Variants in WSCD1 observed in about 807,000 individuals in gnomAD.
The protein encoded by WSCD1 is WSC domain sialate O sulfotransferase 1.
WSCD1 carries 41 observed loss-of-function variants against 60.4 expected under a neutral mutation model. The ratio of observed to expected loss-of-function variants is 0.68; its 90% CI spans 0.53 to 0.88. The LOEUF (loss-of-function observed/expected upper bound fraction) is 0.88, where lower values mean the gene tolerates loss of function less well. Ranked by LOEUF, WSCD1 falls within the 40% of genes least tolerant of loss-of-function variation. The pLI, the probability that WSCD1 is intolerant of heterozygous loss-of-function variation, is 0.00. For missense variants in WSCD1, 784 were observed against 796.2 expected, an observed-to-expected ratio of 0.98 and a Z score of 0.18; for synonymous variants, 361 against 332.5, an observed-to-expected ratio of 1.09 and a Z score of -0.93.
At chr17:6,078,119 C>T (rs1390161191) in intron 1 of WSCD1, 2 of 152,248 alleles carry the variant, frequency 1.3e-5, no homozygotes, top group African/African-American at 4.8e-5. Flanking sequence ...TCCATAGGAG[C>T]AGGTTTCTGA....
intron 5 of WSCD1, among the ~76,000 whole-genome samples, chr17:6,104,319 A>G (rs1393306264): frequency 1.3e-5 from 2 of 152,198 alleles, no homozygotes; most frequent in Non-Finnish European, 2.9e-5. Context: ...ACATTTCAGT[A>G]TGAGATTTGG....
At chr17:6,104,786 G>T (rs1165983314) in intron 5 of WSCD1, among the ~76,000 whole-genome samples, 1 of 152,210 alleles carries the variant, frequency 6.6e-6, no homozygotes, top group Admixed American at 6.5e-5. Context: ...CCTCTTAGGA[G>T]TTGAGCTGTG....
chr17:6,120,232 C>T, intron 8 of WSCD1, 77 bp from the exon 9 acceptor site: 2 of 1,500,452 alleles, frequency 1.3e-6, no homozygotes, highest in Non-Finnish European at 1.8e-6. Context: ...ACTTCCCTCT[C>T]CCGAGCAGCC....
intron 2 of WSCD1, among the ~76,000 whole-genome samples, chr17:6,081,556 C>T (rs1336346506): frequency 6.6e-6 from 1 of 151,886 alleles, no homozygotes; most frequent in Non-Finnish European, 1.5e-5. Context: ...GCTAAAAATA[C>T]AAAAATTAGC....
intron 1 of WSCD1, among the ~76,000 whole-genome samples, chr17:6,079,931 G>T (rs1006888296): frequency 5.9e-5 from 9 of 152,188 alleles, no homozygotes; most frequent in Non-Finnish European, 1.3e-4. Flanking sequence ...GCCTTCTTTT[G>T]CCAGTTTCCT....
chr17:6,117,288 G>A (rs926911105), intron 7 of WSCD1, among the ~76,000 whole-genome samples: 3 of 152,294 alleles, frequency 2.0e-5, no homozygotes, highest in South Asian at 2.1e-4. Context: ...CATAGAAATT[G>A]GGCCCTGGGT....
intron 3 of WSCD1, among the ~76,000 whole-genome samples, chr17:6,088,545 T>A (rs1323088829): frequency 6.6e-6 from 1 of 152,258 alleles, no homozygotes; most frequent in Non-Finnish European, 1.5e-5. Flanking sequence ...CCAGCTCTGG[T>A]AGGAAAAGTA....
chr17:6,112,960 T>C (rs1420948530), intron 7 of WSCD1, among the ~76,000 whole-genome samples: 1 of 152,204 alleles, frequency 6.6e-6, no homozygotes, highest in Non-Finnish European at 1.5e-5. Flanking sequence ...AAAATTTGTA[T>C]GGAACCACAA....
At chr17:6,116,128 A>T (rs1201941512) in intron 7 of WSCD1, among the ~76,000 whole-genome samples, 1 of 152,144 alleles carries the variant, frequency 6.6e-6, no homozygotes, top group East Asian at 1.9e-4. Flanking sequence ...ACATGAGCAC[A>T]TGGCCCTGTC....
intron 8 of WSCD1, among the ~76,000 whole-genome samples, chr17:6,119,443 A>G (rs1469225970): frequency 6.6e-6 from 1 of 152,210 alleles, no homozygotes. Context: ...ATGTGAAATG[A>G]AGTTGGTCAG....
intron 2 of WSCD1, among the ~76,000 whole-genome samples, chr17:6,082,992 A>G (rs1401204908): frequency 1.3e-5 from 2 of 152,154 alleles, no homozygotes; most frequent in Non-Finnish European, 2.9e-5. Flanking sequence ...AGGCCATTGC[A>G]CTTGCTGTAG....
At chr17:6,106,280 T>A (rs1189209300) in intron 5 of WSCD1, among the ~76,000 whole-genome samples, 1 of 152,184 alleles carries the variant, frequency 6.6e-6, no homozygotes, top group Non-Finnish European at 1.5e-5. Flanking sequence ...AAATGCAAAC[T>A]TTTTTGGACC....
rs878932750 is a variant in WSCD1 at position 6,118,285 on chromosome 17, G to A, written c.1375+97G>A. The A allele has an allele frequency of 2.3e-6, 3 of 1,305,232 alleles. No individual in the cohort carries two copies. The highest frequency in any genetic ancestry group is 2.7e-5 in the South Asian group (2 of 74,510). The allele number at this position is 1,305,232 out of a possible 1,614,324, so 80.9% of individuals were successfully genotyped here. On this transcript the variant is annotated intron_variant, in intron 8 of 8. Transcript: ENST00000317744. The surrounding 1 kb of genome is among the most constrained non-coding windows in gnomAD (Gnocchi z 5.8). ...CAATTTACACAGGTAGGCACTGCAG[G>A]ATGCAGGATCAGTATACACAGGTAG... is the stretch of plus-strand genomic sequence containing the variant.
At chr17:6,111,070 G>A in intron 7 of WSCD1, 135 bp downstream of exon 7, 2 of 842,812 alleles carry the variant, frequency 2.4e-6, no homozygotes, top group South Asian at 2.9e-5. Context: ...TGTGGGTGGA[G>A]CCACTGTGTG....
rs964095438 is a variant in WSCD1, at chr17:6,118,527, G to C, written c.1375+339G>C. 7.2e-5 allele frequency among the ~76,000 whole-genome samples: 11 copies of C among 152,184 alleles called. No homozygotes were observed. The highest frequency in any genetic ancestry group is 2.7e-4 in the African/African-American group (11 of 41,442). ...TGCTTCTGCCCAGGAGCTCATGCAG[G>C]GCTGGGAGAAGAGCACATGGGGTGC... On this transcript the variant is annotated intron_variant, in intron 8 of 8. Coordinates refer to ENST00000317744, the MANE Select transcript of WSCD1 (RefSeq NM_015253.2). This position sits in a 1 kb window ranked among gnomAD's most constrained non-coding sequence, Gnocchi z 5.8.
chr17:6,089,726 G>A (rs764004814), intron 3 of WSCD1, among the ~76,000 whole-genome samples: 6 of 152,152 alleles, frequency 3.9e-5, no homozygotes, highest in African/African-American at 1.4e-4. Flanking sequence ...TCTCCCTGTC[G>A]CATACTGAGA....
intron 4 of WSCD1, among the ~76,000 whole-genome samples, chr17:6,093,542 G>A (rs184830438): frequency 3.3e-4 from 50 of 152,232 alleles, no homozygotes; most frequent in Admixed American, 7.2e-4. Context: ...TTCTATCCCC[G>A]TGGAGCTGGT....
At chr17:6,092,517 T>C (rs1910126045) in intron 4 of WSCD1, among the ~76,000 whole-genome samples, 1 of 152,178 alleles carries the variant, frequency 6.6e-6, no homozygotes, top group African/African-American at 2.4e-5. Context: ...CACCGACACC[T>C]ACTCTGCCAG....
At position 6,080,795 on chromosome 17, in the gene WSCD1, C is replaced by G. The variant is rs373916108; in HGVS notation, c.137C>G (p.Pro46Arg). Residue 46 changes from proline to arginine, a missense_variant, in exon 2 of 9, where the codon CCC becomes CGC. By Grantham distance (103) the Pro-to-Arg change is moderately radical. Coordinates refer to ENST00000317744, the MANE Select transcript of WSCD1 (RefSeq NM_015253.2). The surrounding 1 kb of genome is among the most constrained non-coding windows in gnomAD (Gnocchi z 6.6). ...QRVRVALPQG[P>R]RAPGPLQTLP... ...GTCCGCGTGGCTCTCCCACAGGGCC[C>G]CCGGGCACCCGGCCCCCTGCAGACC... The G allele has an allele frequency of 6.2e-7, 1 of 1,609,832 alleles. No homozygotes were observed. Among genetic ancestry groups the G allele is most frequent in the Non-Finnish European group, 8.5e-7 (1 of 1,178,638 alleles).
Sources: allele counts gnomAD v4.1 joint callset (sites outside exome capture counted in the v4.1 genomes callset), GRCh38; gene constraint gnomAD v4.1.1; non-coding constraint Gnocchi (gnomAD v3.1); transcripts MANE v1.5; gene names NCBI Gene and HGNC (gene_info 2026-07-23, HGNC 2026-07-21).